OTUD4: variants seen among roughly 807,000 people sequenced by gnomAD.
OTUD4 encodes the protein OTU domain-containing protein 4.
A neutral mutation model predicts 130.4 loss-of-function variants in OTUD4; 24 were observed. That is an observed-to-expected ratio of 0.18 (90% confidence interval 0.13 to 0.26). OTUD4 has a LOEUF of 0.26. Among genes scored for constraint, OTUD4 ranks in the 10% least tolerant of loss-of-function variants. OTUD4 has a pLI of 1.00. For missense variants in OTUD4, 1,031 were observed against 1,329.4 expected (o/e 0.78, Z 3.49); for synonymous variants, 420 against 472.5 (o/e 0.89, Z 1.44).
In OTUD4 at chr4:145,150,858, G is replaced by C; in HGVS notation, c.1016C>G (p.Thr339Arg). 2 of 1,613,892 alleles carry C rather than the reference G, an allele frequency of 1.2e-6. No individual in the cohort carries two copies. Among genetic ancestry groups the C allele is most frequent in the Non-Finnish European group, 1.7e-6 (2 of 1,179,920 alleles). Residue 339 changes from threonine (T) to arginine (R), a missense_variant, in exon 12 of 21, where the codon ACA (threonine) becomes AGA (arginine). By Grantham distance (71) the Thr-to-Arg change is moderately conservative (BLOSUM62 -1). Transcript: ENST00000447906. ...LKAPPPESWN[T>R]VSGKKMKKPS... ...TTTTTTCATCTTCTTCCCTGACACT[G>C]TGTTCCAGCTTTCTGGGGGAGGTGC... is the stretch of plus-strand genomic sequence containing the variant.
At chr4:145,161,686 G>A (rs36225148) in intron 6 of OTUD4, among the ~76,000 whole-genome samples, 222 of 152,276 alleles carry the variant, frequency 1.5e-3, no homozygotes, top group Non-Finnish European at 2.6e-3. Flanking sequence ...CCACTAGGTA[G>A]AAGCCAAGGA....
intron 17 of OTUD4, 83 bp from the exon 18 acceptor site, chr4:145,142,417 A>T (rs1260548393): frequency 8.3e-7 from 1 of 1,201,104 alleles, no homozygotes; most frequent in Non-Finnish European, 1.2e-6. Context: ...CACCAGATAC[A>T]TATTGAGTTG....
Position 145,136,387 on chromosome 4 carries a change from T to A in OTUD4, c.*1043A>T, listed in dbSNP as rs1231356419. The A allele has an allele frequency of 1.4e-5, 2 of 138,718 alleles. No individual in the cohort carries two copies. Among genetic ancestry groups the A allele is most frequent in the East Asian group, 4.3e-4 (2 of 4,680 alleles). 8.6% of individuals were successfully genotyped at this position (138,718 alleles called of 1,614,324 possible). On this transcript the variant is annotated 3_prime_UTR_variant, in exon 21 of 21. Transcript: ENST00000447906. ...AGAACTAGAAGTCACAATCATATTA[T>A]CTTCTATACAATAGTTCCAGCCCTG...
intron 4 of OTUD4, 40 bp from the exon 5 acceptor site, chr4:145,164,266 C>CCTG: frequency 1.1e-6 from 1 of 928,328 alleles, no homozygotes; most frequent in Non-Finnish European, 1.7e-6. Flanking sequence ...ATGGACTATA[C>CCTG]TTCATGAATT....
intron 6 of OTUD4, 121 bp downstream of exon 6, chr4:145,162,519 T>A: frequency 3.8e-6 from 2 of 519,836 alleles, no homozygotes; most frequent in Non-Finnish European, 3.4e-6. Flanking sequence ...GCCACTGCAC[T>A]CCAGCCTGGG....
chr4:145,177,958 T>C (rs1463191592), intron 1 of OTUD4, among the ~76,000 whole-genome samples: 1 of 152,212 alleles, frequency 6.6e-6, no homozygotes, highest in African/African-American at 2.4e-5. Flanking sequence ...ACACACACTT[T>C]GCCTTTGGCG....
intron 17 of OTUD4, 88 bp from the exon 18 acceptor site, chr4:145,142,422 G>A: frequency 8.9e-7 from 1 of 1,125,620 alleles, no homozygotes; most frequent in Non-Finnish European, 1.3e-6. Flanking sequence ...GATACATATT[G>A]AGTTGCCTGC....
At chr4:145,166,580 G>A (rs1355063255) in intron 3 of OTUD4, among the ~76,000 whole-genome samples, 3 of 151,970 alleles carry the variant, frequency 2.0e-5, no homozygotes, top group Non-Finnish European at 4.4e-5. Flanking sequence ...GGTGGCTCAC[G>A]CCTGTAATCC....
At position 145,162,551 on chromosome 4, in the gene OTUD4, C is replaced by CA. The variant is rs528133721; in HGVS notation, c.496+88dup. On this transcript the variant is annotated intron_variant, in intron 6 of 20. Coordinates refer to ENST00000447906, the MANE Select transcript of OTUD4 (RefSeq NM_001366057.1). ...TGGGAGACAGAGCGAGACTCCGTCTCAAAAAAAAACAAAAAACAAAACAAA... is the reference window on the plus strand; with the variant it reads ...TGGGAGACAGAGCGAGACTCCGTCTCAAAAAAAAAACAAAAAACAAAACAAA... 5.9e-3 allele frequency: 3,705 copies of CA among 628,830 alleles called. 3 individuals are homozygous for CA. The highest frequency in any genetic ancestry group is 0.012 in the Middle Eastern group (45 of 3,740). 39.0% of individuals were successfully genotyped at this position (628,830 alleles called of 1,614,324 possible). A position where few individuals can be genotyped will look rare whatever the true frequency, so the allele number is the denominator to read the frequency against.
chr4:145,161,790 C>T (rs6845553), intron 6 of OTUD4, among the ~76,000 whole-genome samples: 150,456 of 152,320 alleles, frequency 0.99, 74,331 homozygotes, highest in East Asian at 1. Flanking sequence ...AATGCTGCCC[C>T]GGAGCCAAAT....
At chr4:145,174,861 T>C in intron 1 of OTUD4, 117 bp from the exon 2 acceptor site, 1 of 636,488 alleles carries the variant, frequency 1.6e-6, no homozygotes, top group Non-Finnish European at 2.9e-6. Context: ...CTTTCTCCAT[T>C]TCCCTTTCTA....
chr4:145,164,899 A>G (rs372182300), intron 4 of OTUD4, among the ~76,000 whole-genome samples: 8 of 152,322 alleles, frequency 5.3e-5, no homozygotes, highest in East Asian at 3.9e-4. Flanking sequence ...TACAAAGTTG[A>G]TAAGTGATAT....
At chr4:145,139,761 AAAGT>A (rs1750466441) in intron 20 of OTUD4, among the ~76,000 whole-genome samples, 186 bp downstream of exon 20, 1 of 152,218 alleles carries the variant, frequency 6.6e-6, no homozygotes, top group African/African-American at 2.4e-5. Flanking sequence ...TTAAGACAAA[AAAGT>A]AAGTAAAACT....
In OTUD4 at chr4:145,144,410, A is replaced by C. The variant is rs774414052; in HGVS notation, c.1447T>G (p.Ser483Ala). The C allele has an allele frequency of 1.9e-6, 3 of 1,611,888 alleles. No homozygotes were observed. The highest frequency in any genetic ancestry group is 2.2e-5 in the South Asian group (2 of 90,674). Residue 483 changes from serine (S) to alanine (A), a missense_variant, in exon 15 of 21, where the codon TCT (serine) becomes GCT (alanine). Coordinates refer to ENST00000447906, the MANE Select transcript of OTUD4 (RefSeq NM_001366057.1). ...TGGACACATGGATTGCTACTCTGAGAAGCTGACTGATTGACTGATGAGCTC... is the reference window on the plus strand; with the variant it reads ...TGGACACATGGATTGCTACTCTGAGCAGCTGACTGATTGACTGATGAGCTC... ...LSSSSVNQSA[S>A]QSSNPCVQRK...
In OTUD4 at chr4:145,150,666, T is replaced by C; in HGVS notation, c.1106A>G (p.Lys369Arg). 1 of 1,610,284 alleles carries C rather than the reference T, an allele frequency of 6.2e-7. No homozygotes were observed. Among genetic ancestry groups the C allele is most frequent in the Non-Finnish European group, 8.5e-7 (1 of 1,176,736 alleles). ...TAGTGCTGATGGGGCTTTTATTGGC[T>C]TGCTTGGATTCTTTGGCCCTCTGTA... Reference protein sequence around the residue: ...VDYRGPKNPSKPIKAPSALPP... With the variant: ...VDYRGPKNPSRPIKAPSALPP... Residue 369 changes from lysine to arginine, a missense_variant, in exon 13 of 21, where the codon AAG (lysine) becomes AGG (arginine). Around this residue, in one of 3 missense-constraint regions of OTUD4, gnomAD observed 900 missense variants for 1,095.9 expected, o/e 0.82. Coordinates refer to ENST00000447906, the MANE Select transcript of OTUD4 (RefSeq NM_001366057.1).
chr4:145,174,762 C>T lies in OTUD4; in HGVS notation c.160-18G>A. 2 of 1,445,262 alleles carry T rather than the reference C, an allele frequency of 1.4e-6. No individual in the cohort carries two copies. Among genetic ancestry groups the T allele is most frequent in the Non-Finnish European group, 1.9e-6 (2 of 1,026,294 alleles). 89.5% of individuals were successfully genotyped at this position (1,445,262 alleles called of 1,614,324 possible). ...TGCAATACCTAAAAAGAAAAGGCAACAAACACACTATTAAGCATTTAGTTA... is the reference window on the plus strand; with the variant it reads ...TGCAATACCTAAAAAGAAAAGGCAATAAACACACTATTAAGCATTTAGTTA... On this transcript the variant is annotated intron_variant, in intron 1 of 20. Transcript: ENST00000447906.
rs778596888 is a variant in OTUD4 at position 145,144,266 on chromosome 4, TAA to T, written c.1546+43_1546+44del. 8.8e-6 allele frequency: 14 copies of T among 1,588,804 alleles called. No individual in the cohort carries two copies. In the East Asian group the frequency reaches 2.9e-4, roughly 33 times the overall value. On this transcript the variant is annotated intron_variant, in intron 15 of 20. Coordinates refer to ENST00000447906, the MANE Select transcript of OTUD4 (RefSeq NM_001366057.1). The stretch of plus-strand genomic sequence containing the variant: ...AATATATGACATTAAGCCAGTCATC[TAA>T]AGAGATCTCTAGCATCTGCTTTCTA...
At chr4:145,158,482 AAAAAC>A (rs772004391) in intron 7 of OTUD4, among the ~76,000 whole-genome samples, 14 of 152,118 alleles carry the variant, frequency 9.2e-5, no homozygotes, top group Non-Finnish European at 1.5e-4. Context: ...ACTCCGATTC[AAAAAC>A]AAAACAAAAC....
intron 13 of OTUD4, among the ~76,000 whole-genome samples, chr4:145,148,368 G>A (rs2126756389): frequency 6.6e-6 from 1 of 152,252 alleles, no homozygotes; most frequent in Admixed American, 6.5e-5. Flanking sequence ...GCATGGTGGT[G>A]CATGCCTATA....
Sources: gnomAD v4.1 joint callset for allele counts (sites outside exome capture counted in the v4.1 genomes callset) on GRCh38, gnomAD v4.1.1 for gene constraint, gnomAD v4.1.1 regional missense constraint, MANE v1.5 for transcripts, NCBI Gene and HGNC (gene_info 2026-07-23, HGNC 2026-07-21) for gene names.